SND1: variants seen among roughly 807,000 people sequenced by gnomAD.
The protein encoded by SND1 is staphylococcal nuclease and tudor domain containing 1.
Under a neutral mutation model 121.7 loss-of-function variants are expected in SND1, and 38 were observed. The ratio of observed to expected loss-of-function variants is 0.31; its 90% CI spans 0.24 to 0.41. SND1 has a LOEUF of 0.41. Ranked by LOEUF, SND1 falls within the 10% of genes least tolerant of loss-of-function variation. SND1 has a pLI of 1.00. For missense variants in SND1, 868 were observed against 1,184.6 expected, an observed-to-expected ratio of 0.73 and a Z score of 3.92; for synonymous variants, 401 against 447.4, an observed-to-expected ratio of 0.90 and a Z score of 1.31.
chr7:127,676,240 TTG>T, intron 1 of SND1, among the ~76,000 whole-genome samples: 1 of 152,164 alleles, frequency 6.6e-6, no homozygotes, highest in East Asian at 1.9e-4. Flanking sequence ...CCTCAGGGCA[TTG>T]TTGTGAGGAT....
At chr7:127,685,341 C>T (rs1276449935) in intron 1 of SND1, among the ~76,000 whole-genome samples, 2 of 152,176 alleles carry the variant, frequency 1.3e-5, no homozygotes, top group Admixed American at 6.5e-5. Context: ...ACTGAGAACT[C>T]CATGGTCTTG....
intron 16 of SND1, among the ~76,000 whole-genome samples, chr7:128,073,557 T>G (rs1335817980): frequency 2.0e-5 from 3 of 152,188 alleles, no homozygotes; most frequent in Non-Finnish European, 4.4e-5. Context: ...TAGCTCCAGC[T>G]CCGACCTCGA....
intron 12 of SND1, chr7:127,858,000 C>T: frequency 1.4e-6 from 2 of 1,458,416 alleles, no homozygotes; most frequent in South Asian, 1.1e-5. Flanking sequence ...GCTCGGCATC[C>T]CCCGGGTTCT....
At chr7:127,958,408 A>T (rs2116866327) in intron 15 of SND1, among the ~76,000 whole-genome samples, 1 of 152,158 alleles carries the variant, frequency 6.6e-6, no homozygotes, top group East Asian at 1.9e-4. Context: ...CTGTGTCCGT[A>T]TCAACTCTGG....
chr7:127,696,078 T>C (rs1278023827), intron 3 of SND1, among the ~76,000 whole-genome samples: 2 of 152,098 alleles, frequency 1.3e-5, no homozygotes, highest in Non-Finnish European at 2.9e-5. Flanking sequence ...TGGAGCAGAA[T>C]TTTTTTTAAG....
chr7:127,990,882 C>G, intron 15 of SND1, 65 bp from the exon 16 acceptor site: 1 of 1,136,018 alleles, frequency 8.8e-7, no homozygotes, highest in East Asian at 2.5e-5. Context: ...AGGGGACCGT[C>G]CTTATTGGAC....
intron 18 of SND1, among the ~76,000 whole-genome samples, chr7:128,082,667 T>C (rs322824): frequency 0.72 from 108,925 of 152,016 alleles, 40,506 homozygotes; most frequent in African/African-American, 0.91. Context: ...TGGCCAGCCT[T>C]TAGGGCTGGG....
intron 1 of SND1, among the ~76,000 whole-genome samples, chr7:127,682,299 C>T (rs1012945254): frequency 2.6e-5 from 4 of 152,178 alleles, no homozygotes; most frequent in African/African-American, 4.8e-5. Context: ...TTTTCCTTCT[C>T]AGCTGCCTTG....
chr7:127,792,987 G>A (rs960915941), intron 10 of SND1, among the ~76,000 whole-genome samples: 3 of 152,228 alleles, frequency 2.0e-5, no homozygotes, highest in Non-Finnish European at 2.9e-5. Context: ...GGGTTTGCAG[G>A]TTCCCTGCCC....
chr7:127,686,556 G>T, intron 1 of SND1, 57 bp from the exon 2 acceptor site: 1 of 1,571,850 alleles, frequency 6.4e-7, no homozygotes, highest in Non-Finnish European at 8.7e-7. Context: ...TACACAACCT[G>T]CATTATGGTG....
chr7:127,926,004 A>G (rs566023247), intron 14 of SND1, among the ~76,000 whole-genome samples: 35 of 150,568 alleles, frequency 2.3e-4, no homozygotes, highest in African/African-American at 8.3e-4. Flanking sequence ...TGCTACTTGC[A>G]CTCTCTCTTT....
At chr7:127,748,227 T>G (rs1797015434) in intron 10 of SND1, among the ~76,000 whole-genome samples, 1 of 152,248 alleles carries the variant, frequency 6.6e-6, no homozygotes, top group Non-Finnish European at 1.5e-5. Context: ...ATCTTCCTCT[T>G]GACAGCTTGT....
intron 16 of SND1, among the ~76,000 whole-genome samples, chr7:128,068,243 C>T (rs1383626082): frequency 1.3e-5 from 2 of 151,634 alleles, no homozygotes; most frequent in Non-Finnish European, 2.9e-5. Context: ...CATGCACATG[C>T]TCACTCTCTC....
chr7:127,982,206 CAA>C (rs1254166216), intron 15 of SND1, among the ~76,000 whole-genome samples: 2 of 152,226 alleles, frequency 1.3e-5, no homozygotes, highest in East Asian at 3.8e-4. Context: ...TTCCTTTCTT[CAA>C]AGAGAGCTGC....
At chr7:127,857,126 A>G (rs1267120164) in intron 12 of SND1, among the ~76,000 whole-genome samples, 2 of 150,524 alleles carry the variant, frequency 1.3e-5, no homozygotes, top group African/African-American at 2.4e-5. Flanking sequence ...TACTAGAACT[A>G]TGAATCATTA....
chr7:127,697,164 C>T (rs1180672717), intron 3 of SND1, among the ~76,000 whole-genome samples: 1 of 152,178 alleles, frequency 6.6e-6, no homozygotes, highest in Non-Finnish European at 1.5e-5. Context: ...AATCACCCAC[C>T]TGCTCTGAAT....
chr7:128,071,911 G>A (rs995443247), intron 16 of SND1, among the ~76,000 whole-genome samples: 4 of 152,204 alleles, frequency 2.6e-5, no homozygotes, highest in Admixed American at 2.6e-4. Context: ...ATCTGCGGCT[G>A]GCTGGGCCCA....
intron 16 of SND1, chr7:128,030,559 C>G: frequency 6.2e-7 from 1 of 1,612,392 alleles, no homozygotes; most frequent in Non-Finnish European, 8.5e-7. Context: ...AGAATCCACA[C>G]TTGCGCCGTG....
chr7:127,721,220 G>A, intron 9 of SND1, 67 bp from the exon 10 acceptor site: 1 of 1,021,026 alleles, frequency 9.8e-7, no homozygotes, highest in Non-Finnish European at 1.5e-6. Flanking sequence ...AGGGTGGTGG[G>A]CCTTGCTCTT....
Sources: gnomAD v4.1 joint callset for allele counts (sites outside exome capture counted in the v4.1 genomes callset) on GRCh38, gnomAD v4.1.1 for gene constraint, MANE v1.5 for transcripts, NCBI Gene and HGNC (gene_info 2026-07-23, HGNC 2026-07-21) for gene names.